The following GMEB2 variants were observed in gnomAD, a reference collection of about 807,000 sequenced individuals.
GMEB2 encodes the protein glucocorticoid modulatory element binding protein 2.
A neutral mutation model predicts 45.7 loss-of-function variants in GMEB2; 7 were observed. The ratio of observed to expected loss-of-function variants is 0.15; its 90% CI spans 0.09 to 0.29. GMEB2 has a LOEUF of 0.29. Ranked by LOEUF, GMEB2 falls within the 10% of genes least tolerant of loss-of-function variation. The pLI is 1.00. For synonymous variants in GMEB2, 322 were observed against 323.6 expected (o/e 1.00, Z 0.05); for missense variants, 582 against 739.2 (o/e 0.79, Z 2.47).
chr20:63,622,104 G>A (rs1569060301), intron 1 of GMEB2, among the ~76,000 whole-genome samples: 1 of 152,042 alleles, frequency 6.6e-6, no homozygotes. Context: ...GCTCCAGCCT[G>A]GGCAACAGAT....
intron 2 of GMEB2, among the ~76,000 whole-genome samples, chr20:63,613,136 A>G (rs2089583264): frequency 6.6e-6 from 1 of 152,192 alleles, no homozygotes; most frequent in Non-Finnish European, 1.5e-5. Context: ...CTTAAACAGC[A>G]AAAGAAAACT....
Position 63,592,660 on chromosome 20 carries a change from A to G in GMEB2, c.702T>C (p.Phe234=), listed in dbSNP as rs767584610. The change falls in exon 8 of 10, where the codon TTT becomes TTC. Residue 234 remains phenylalanine, a synonymous_variant. Coordinates refer to ENST00000370077, the MANE Select transcript of GMEB2 (RefSeq NM_012384.5). This position sits in a 1 kb window ranked among gnomAD's most constrained non-coding sequence, Gnocchi z 8.2. ...CGTCCTTCAGCCCCCGCCAGAAGGT[A>G]AATGTGTCATCTGTGAGGGAAGGAG... The part of the protein sequence containing the change: ...DWTAAIGDDT[F]TFWRGLKDAG... 2.5e-5 allele frequency: 40 copies of G among 1,613,212 alleles called. No individual in the cohort carries two copies. The South Asian group carries it at 4.3e-4, about 17-fold the overall frequency.
intron 2 of GMEB2, among the ~76,000 whole-genome samples, chr20:63,615,594 C>CA (rs1202571913): frequency 2.0e-5 from 3 of 152,130 alleles, no homozygotes; most frequent in Non-Finnish European, 2.9e-5. Flanking sequence ...CCAAAGTGCT[C>CA]AGATTACAGG....
At chr20:63,614,850 C>G (rs990633105) in intron 2 of GMEB2, among the ~76,000 whole-genome samples, 4 of 152,174 alleles carry the variant, frequency 2.6e-5, no homozygotes, top group Non-Finnish European at 5.9e-5. Flanking sequence ...GCACGTGACC[C>G]ACATGACCTT....
At chr20:63,616,941 G>A (rs1014795882) in intron 2 of GMEB2, among the ~76,000 whole-genome samples, 5 of 151,708 alleles carry the variant, frequency 3.3e-5, no homozygotes, top group African/African-American at 1.2e-4. Flanking sequence ...GGTCATATAA[G>A]TTGGCCCTCA....
intron 9 of GMEB2, 76 bp from the exon 10 acceptor site, chr20:63,590,805 C>T (rs547783778): frequency 1.6e-5 from 15 of 927,966 alleles, no homozygotes; most frequent in South Asian, 6.6e-5. Context: ...GGGGCAGACA[C>T]GCCACACCAT....
rs1392827624 is a variant in GMEB2, at chr20:63,610,272, A to AG, written c.132-5433dup. On this transcript the variant is annotated intron_variant, in intron 2 of 9. Coordinates refer to ENST00000370077, the MANE Select transcript of GMEB2 (RefSeq NM_012384.5). ...CACGGTGGCTCACACCTGTAATCCC[A>AG]GCACTTTGGGAGGCCGAGGCAGGCG... Among the ~76,000 whole-genome samples the AG allele has an allele frequency of 3.3e-5, 5 of 152,216 alleles. No individual in the cohort carries two copies. In the South Asian group the frequency reaches 1.0e-3, roughly 32 times the overall value.
At chr20:63,597,161 C>CTTT (rs1361442040) in intron 5 of GMEB2, among the ~76,000 whole-genome samples, 31 of 103,242 alleles carry the variant, frequency 3.0e-4, no homozygotes, top group Non-Finnish European at 4.4e-4. Flanking sequence ...CCTTTTTATT[C>CTTT]TTGTTTTTTT....
chr20:63,615,333 T>G (rs948928753), intron 2 of GMEB2, among the ~76,000 whole-genome samples: 7 of 152,092 alleles, frequency 4.6e-5, no homozygotes, highest in Admixed American at 2.6e-4. Context: ...TTTCCTTTTT[T>G]CTTTTTTTTG....
chr20:63,591,251 G>A (rs1223578504), intron 9 of GMEB2, among the ~76,000 whole-genome samples: 1 of 152,018 alleles, frequency 6.6e-6, no homozygotes, highest in South Asian at 2.1e-4. Flanking sequence ...AACACACAGT[G>A]CACACACACT....
intron 2 of GMEB2, among the ~76,000 whole-genome samples, chr20:63,615,493 A>T (rs2089601829): frequency 6.6e-6 from 1 of 151,722 alleles, no homozygotes; most frequent in African/African-American, 2.4e-5. Context: ...CACCCAAATA[A>T]TTTTTATATT....
intron 1 of GMEB2, among the ~76,000 whole-genome samples, chr20:63,621,458 G>C (rs1210788722): frequency 6.6e-6 from 1 of 152,048 alleles, no homozygotes; most frequent in African/African-American, 2.4e-5. Context: ...CTGAGGTCAG[G>C]AGTTCGAGAC....
rs573744857 is a variant in GMEB2, at chr20:63,593,751, G to A, written c.620-669C>T. ...AAAAACAAACCCGGGGCCGGATGTGGTGGCTCACGCCTGTAATCCAGGCAC... is the reference window on the plus strand; with the variant it reads ...AAAAACAAACCCGGGGCCGGATGTGATGGCTCACGCCTGTAATCCAGGCAC... On this transcript the variant is annotated intron_variant, in intron 6 of 9. Transcript: ENST00000370077. This position sits in a 1 kb window ranked among gnomAD's most constrained non-coding sequence, Gnocchi z 4.7. 1.8e-4 allele frequency among the ~76,000 whole-genome samples: 28 copies of A among 152,328 alleles called. No homozygotes were observed. Among genetic ancestry groups the A allele is most frequent in the South Asian group, 8.3e-4 (4 of 4,826 alleles).
chr20:63,603,598 G>A (rs2089494842), intron 3 of GMEB2, among the ~76,000 whole-genome samples: 2 of 151,024 alleles, frequency 1.3e-5, no homozygotes, highest in African/African-American at 2.4e-5. Context: ...GCATGGTGGC[G>A]GGCACCTGTA....
Position 63,588,869 on chromosome 20 carries a change from A to T in GMEB2, c.*1220T>A, listed in dbSNP as rs540254284. ...CAGGACCCTGGCCTGGAGGGGCCTC[A>T]GCCTGGTCTTCCTTGTGAGTCCAAG... On this transcript the variant is annotated 3_prime_UTR_variant, in exon 10 of 10. Coordinates refer to ENST00000370077, the MANE Select transcript of GMEB2 (RefSeq NM_012384.5). 4 of 398,562 alleles carry T rather than the reference A, an allele frequency of 1.0e-5. No individual in the cohort carries two copies. The Admixed American group carries it at 1.8e-4, about 18-fold the overall frequency. The allele number at this position is 398,562 out of a possible 1,614,324, so 24.7% of individuals were successfully genotyped here. A position where few individuals can be genotyped will look rare whatever the true frequency, so the allele number is the denominator to read the frequency against.
chr20:63,605,464 T>G (rs1601019562), intron 2 of GMEB2, among the ~76,000 whole-genome samples: 2 of 135,270 alleles, frequency 1.5e-5, no homozygotes, highest in Admixed American at 7.6e-5. Flanking sequence ...ACCCGAGAGG[T>G]GTGAGTGGGG....
intron 5 of GMEB2, 59 bp downstream of exon 5, chr20:63,597,698 A>C (rs2083210204): frequency 2.1e-6 from 2 of 960,514 alleles, no homozygotes; most frequent in East Asian, 2.4e-5. Context: ...ACCCCACAAG[A>C]AAGCAAGAGC....
Position 63,592,270 on chromosome 20 carries a change from TC to T in GMEB2, c.830-127del. ...GACGCTCGGTGAGAGCCTGGGCTCTTCCTAGAGAGTGAGAACACCACCACTG... is the reference window on the plus strand; with the variant it reads ...GACGCTCGGTGAGAGCCTGGGCTCTTCTAGAGAGTGAGAACACCACCACTG... On this transcript the variant is annotated intron_variant, in intron 8 of 9. Transcript: ENST00000370077. The surrounding 1 kb of genome is among the most constrained non-coding windows in gnomAD (Gnocchi z 8.2). 1.1e-6 allele frequency: 1 copy of T among 895,998 alleles called. No homozygotes were observed. The highest frequency in any genetic ancestry group is 1.7e-5 in the South Asian group (1 of 60,122). 55.5% of individuals were successfully genotyped at this position (895,998 alleles called of 1,614,324 possible).
intron 1 of GMEB2, among the ~76,000 whole-genome samples, chr20:63,622,634 C>A (rs1374887065): frequency 6.6e-6 from 1 of 152,114 alleles, no homozygotes; most frequent in Admixed American, 6.6e-5. Context: ...CATGGGTCTC[C>A]ACACAACTCC....
Sources: gnomAD v4.1 joint callset for allele counts (sites outside exome capture counted in the v4.1 genomes callset) on GRCh38, gnomAD v4.1.1 for gene constraint, Gnocchi (gnomAD v3.1) non-coding constraint, MANE v1.5 for transcripts, NCBI Gene and HGNC (gene_info 2026-07-23, HGNC 2026-07-21) for gene names.